Variants in ANKRD55 observed in about 807,000 individuals in gnomAD.
ANKRD55 encodes the protein ankyrin repeat domain 55.
A neutral mutation model predicts 60.6 loss-of-function variants in ANKRD55; 41 were observed. The ratio of observed to expected loss-of-function variants is 0.68; its 90% CI spans 0.53 to 0.88. The LOEUF is 0.88. Ranked by LOEUF, ANKRD55 falls within the 40% of genes least tolerant of loss-of-function variation. ANKRD55 has a pLI of 0.00. For synonymous variants in ANKRD55, 264 were observed against 290.3 expected (o/e 0.91, Z 0.92); for missense variants, 732 against 767.6 (o/e 0.95, Z 0.55).
chr5:56,116,878 G>T (rs1756902885), intron 8 of ANKRD55, 96 bp from the exon 9 acceptor site: 4 of 1,315,290 alleles, frequency 3.0e-6, no homozygotes, highest in South Asian at 3.2e-5. Context: ...TCAGGTTGAG[G>T]TAGGGAAAAT....
intron 2 of ANKRD55, among the ~76,000 whole-genome samples, chr5:56,194,424 C>A (rs550838681): frequency 4.6e-5 from 7 of 151,994 alleles, no homozygotes; most frequent in Non-Finnish European, 8.8e-5. Context: ...ATGATCCAAC[C>A]CCCCCAACAC....
intron 7 of ANKRD55, 74 bp downstream of exon 7, chr5:56,143,727 G>A: frequency 6.3e-7 from 1 of 1,590,628 alleles, no homozygotes; most frequent in Non-Finnish European, 8.6e-7. Flanking sequence ...TTTAAAGTTT[G>A]ACCTACTCAG....
intron 2 of ANKRD55, among the ~76,000 whole-genome samples, chr5:56,208,954 C>T (rs537135244): frequency 7.3e-6 from 1 of 136,488 alleles, no homozygotes; most frequent in East Asian, 2.0e-4. Flanking sequence ...TTGTTTTTTG[C>T]TCTTTTTCAC....
At chr5:56,124,363 ACTTTT>A (rs1757172159) in intron 8 of ANKRD55, among the ~76,000 whole-genome samples, 1 of 152,004 alleles carries the variant, frequency 6.6e-6, no homozygotes, top group African/African-American at 2.4e-5. Context: ...TTACTACTTT[ACTTTT>A]CTTTCCTTTT....
intron 8 of ANKRD55, among the ~76,000 whole-genome samples, chr5:56,126,198 C>T (rs1757250081): frequency 6.6e-6 from 1 of 152,002 alleles, no homozygotes; most frequent in Admixed American, 6.6e-5. Flanking sequence ...TAATTTTGCA[C>T]TTCAATACAA....
chr5:56,218,533 A>G (rs1441738032), intron 2 of ANKRD55, among the ~76,000 whole-genome samples: 6 of 152,244 alleles, frequency 3.9e-5, no homozygotes, highest in Non-Finnish European at 7.3e-5. Flanking sequence ...TTAGCAATAA[A>G]GTATTTTTAA....
chr5:56,151,290 T>A (rs1054544055), intron 6 of ANKRD55, among the ~76,000 whole-genome samples: 2 of 152,240 alleles, frequency 1.3e-5, no homozygotes, highest in Non-Finnish European at 1.5e-5. Flanking sequence ...CTAATTGGTA[T>A]AAAATTTTAT....
At chr5:56,200,855 G>A (rs190887591) in intron 2 of ANKRD55, among the ~76,000 whole-genome samples, 1 of 152,168 alleles carries the variant, frequency 6.6e-6, no homozygotes, top group Admixed American at 6.6e-5. Flanking sequence ...CACATCCTAG[G>A]GTCACCAATG....
intron 6 of ANKRD55, among the ~76,000 whole-genome samples, chr5:56,150,898 CAAT>C (rs1295543257): frequency 6.6e-6 from 1 of 152,128 alleles, no homozygotes; most frequent in African/African-American, 2.4e-5. Flanking sequence ...GACTCCGTCT[CAAT>C]AAATAAATAA....
At chr5:56,170,101 C>T (rs1281335340) in intron 5 of ANKRD55, among the ~76,000 whole-genome samples, 10 of 152,218 alleles carry the variant, frequency 6.6e-5, no homozygotes, top group Admixed American at 3.9e-4. Context: ...TGGTTTCCTT[C>T]TAACCCCCTG....
rs1308786649 is a variant in ANKRD55, at chr5:56,100,118, T to C, written c.*65A>G. ...TGGTCTTCGTTCTTACAAACTGGAG[T>C]AATCTTGTCCTTTGAGAGTTGAAAA... On this transcript the variant is annotated 3_prime_UTR_variant, in exon 12 of 12. Coordinates refer to ENST00000341048, the MANE Select transcript of ANKRD55 (RefSeq NM_024669.3). The C allele has an allele frequency of 1.1e-5, 17 of 1,606,666 alleles. No individual in the cohort carries two copies. The highest frequency in any genetic ancestry group is 1.4e-5 in the Non-Finnish European group (17 of 1,174,544).
chr5:56,223,667 C>T (rs1354813059), intron 2 of ANKRD55, among the ~76,000 whole-genome samples: 1 of 151,606 alleles, frequency 6.6e-6, no homozygotes, highest in East Asian at 1.9e-4. Flanking sequence ...AAATGGAAAA[C>T]AAAAAAAGGC....
rs1368857561 is a variant in ANKRD55, at chr5:56,166,149, T to TCCTTC, written c.422+4544_422+4545insGAAGG. On this transcript the variant is annotated intron_variant, in intron 5 of 11. Coordinates refer to ENST00000341048, the MANE Select transcript of ANKRD55 (RefSeq NM_024669.3). ...TTCTTTCTTTCTTTCTTTCTTTCTT[T>TCCTTC]CTTTCTTCTTTCCTTCCTTCCTTCC... 6.8e-4 allele frequency among the ~76,000 whole-genome samples: 43 copies of TCCTTC among 63,134 alleles called. 1 individual carries two copies. Among genetic ancestry groups the TCCTTC allele is most frequent in the Admixed American group, 8.5e-4 (5 of 5,896 alleles). 41.4% of individuals were successfully genotyped at this position (63,134 alleles called of 152,430 possible). A position where few individuals can be genotyped will look rare whatever the true frequency, so the allele number is the denominator to read the frequency against.
chr5:56,185,374 G>C (rs1371614404), intron 2 of ANKRD55, among the ~76,000 whole-genome samples: 1 of 151,896 alleles, frequency 6.6e-6, no homozygotes, highest in Non-Finnish European at 1.5e-5. Flanking sequence ...TGCCCCTCAA[G>C]CATAGCCACT....
intron 8 of ANKRD55, among the ~76,000 whole-genome samples, chr5:56,118,845 C>A (rs1220782792): frequency 6.6e-6 from 1 of 152,060 alleles, no homozygotes. Context: ...TACCAATACA[C>A]ACCTATGAAG....
chr5:56,141,294 G>T lies in ANKRD55; in HGVS notation c.612+2507C>A, dbSNP rs541170247. Among the ~76,000 whole-genome samples the T allele has an allele frequency of 5.3e-5, 8 of 152,086 alleles. No homozygotes were observed. The East Asian group carries it at 1.4e-3, about 26-fold the overall frequency. ...CAAATATTTTTTTTAAGAGCCCAGG[G>T]TCTCACTGCATTACACAGCTTGGTC... On this transcript the variant is annotated intron_variant, in intron 7 of 11. Coordinates refer to ENST00000341048, the MANE Select transcript of ANKRD55 (RefSeq NM_024669.3).
In ANKRD55 at chr5:56,112,511, A is replaced by AAAAAAAAAAAAAAAAAAAC; in HGVS notation, c.966-730_966-729insGTTTTTTTTTTTTTTTTTT. ...GCAGGATCTCATCTCTAGCAAAAAA[A>AAAAAAAAAAAAAAAAAAAC]AAAAAAAAAAACAACCAAGGAAAGA... On this transcript the variant is annotated intron_variant, in intron 9 of 11. Transcript: ENST00000341048. Among the ~76,000 whole-genome samples the AAAAAAAAAAAAAAAAAAAC allele has an allele frequency of 1.3e-3, 108 of 81,488 alleles. 4 individuals are homozygous for AAAAAAAAAAAAAAAAAAAC. Among genetic ancestry groups the AAAAAAAAAAAAAAAAAAAC allele is most frequent in the African/African-American group, 5.3e-3 (98 of 18,504 alleles). 53.5% of individuals were successfully genotyped at this position (81,488 alleles called of 152,430 possible).
chr5:56,223,273 A>T (rs1404196184), intron 2 of ANKRD55, among the ~76,000 whole-genome samples: 1 of 152,194 alleles, frequency 6.6e-6, no homozygotes, highest in East Asian at 1.9e-4. Flanking sequence ...AGTGAAGGAG[A>T]AATAAAATCC....
chr5:56,143,724 T>C, intron 7 of ANKRD55, 77 bp downstream of exon 7: 1 of 1,588,618 alleles, frequency 6.3e-7, no homozygotes, highest in Non-Finnish European at 8.6e-7. Flanking sequence ...ATCTTTAAAG[T>C]TTGACCTACT....
Sources: allele counts gnomAD v4.1 joint callset (sites outside exome capture counted in the v4.1 genomes callset), GRCh38; gene constraint gnomAD v4.1.1; transcripts MANE v1.5; gene names NCBI Gene and HGNC (gene_info 2026-07-23, HGNC 2026-07-21).